Variants in SLC24A2 observed in about 807,000 individuals in gnomAD.
SLC24A2 encodes solute carrier family 24 member 2.
A neutral mutation model predicts 62.0 loss-of-function variants in SLC24A2; 36 were observed. The ratio of observed to expected loss-of-function variants is 0.58; its 90% CI spans 0.44 to 0.77. SLC24A2 has a LOEUF of 0.77. Ranked by LOEUF, SLC24A2 falls within the 30% of genes least tolerant of loss-of-function variation. The pLI is 0.00. For synonymous variants in SLC24A2, 358 were observed against 294.0 expected (o/e 1.22, Z -2.23); for missense variants, 846 against 817.9 (o/e 1.03, Z -0.42).
the SLC24A2 span, among the ~76,000 whole-genome samples, chr9:19,935,163 C>T: frequency 1.3e-5 from 2 of 151,056 alleles, no homozygotes; most frequent in Non-Finnish European, 2.9e-5. Context: ...ACTTGGGTTG[C>T]TTGTGAAAAA....
At chr9:19,779,140 C>T (rs985533425) in intron 2 of SLC24A2, among the ~76,000 whole-genome samples, 8 of 152,110 alleles carry the variant, frequency 5.3e-5, no homozygotes, top group African/African-American at 1.9e-4. Context: ...ACAGTGAAAA[C>T]ACGTGGAAGG....
the SLC24A2 span, among the ~76,000 whole-genome samples, chr9:20,196,645 C>T: frequency 2.8e-4 from 42 of 152,204 alleles, no homozygotes; most frequent in African/African-American, 1.0e-3. Context: ...AGCTAATACA[C>T]CACTTTAGTT....
rs1390433234 is a variant in SLC24A2, at chr9:19,573,529, C to CACAG, written c.1229-61_1229-60insCTGT. 6.2e-4 allele frequency: 268 copies of CACAG among 431,116 alleles called. 4 individuals are homozygous for CACAG. The East Asian group carries it at 0.011, about 18-fold the overall frequency. 26.7% of individuals were successfully genotyped at this position (431,116 alleles called of 1,614,324 possible). A position where few individuals can be genotyped will look rare whatever the true frequency, so the allele number is the denominator to read the frequency against. On this transcript the variant is annotated intron_variant, in intron 6 of 10. Transcript: ENST00000341998. ...ACACACACACACACACACACACACA[C>CACAG]AGAGAGAGAGAGAGAGAGAGAGAGA... is the stretch of plus-strand genomic sequence containing the variant.
chr9:19,778,936 G>A (rs189161555), intron 2 of SLC24A2, among the ~76,000 whole-genome samples: 16 of 152,094 alleles, frequency 1.1e-4, no homozygotes, highest in African/African-American at 3.1e-4. Context: ...GATGAAATTA[G>A]AAACAATGAA....
the SLC24A2 span, among the ~76,000 whole-genome samples, chr9:19,914,136 G>A: frequency 1.3e-5 from 2 of 152,062 alleles, no homozygotes; most frequent in East Asian, 1.9e-4. Context: ...CTCAAAATGC[G>A]CTTCCTTTCA....
chr9:19,614,725 A>G (rs1440550292), intron 4 of SLC24A2, among the ~76,000 whole-genome samples: 2 of 151,982 alleles, frequency 1.3e-5, no homozygotes, highest in Middle Eastern at 3.4e-3. Context: ...CTTAACTACC[A>G]TATAAAACAT....
the SLC24A2 span, among the ~76,000 whole-genome samples, chr9:19,808,277 C>G: frequency 6.6e-6 from 1 of 152,154 alleles, no homozygotes; most frequent in Non-Finnish European, 1.5e-5. The surrounding 1 kb of genome is among the most constrained non-coding windows in gnomAD (Gnocchi z 4.1). Context: ...TTTCTCATCT[C>G]TGATAAATTT....
chr9:19,866,625 CTTTTTTTTTT>C, the SLC24A2 span, among the ~76,000 whole-genome samples: 6 of 68,188 alleles, frequency 8.8e-5, no homozygotes, highest in East Asian at 5.5e-4. Flanking sequence ...CACGTTTTCA[CTTTTTTTTTT>C]TTTTTTTTTT....
At chr9:19,942,379 T>C in the SLC24A2 span, among the ~76,000 whole-genome samples, 13 of 152,144 alleles carry the variant, frequency 8.5e-5, no homozygotes, top group Non-Finnish European at 1.5e-4. Flanking sequence ...TTAGAGAGGG[T>C]GAATAACTTG....
chr9:19,648,954 T>C (rs961775205), intron 2 of SLC24A2, among the ~76,000 whole-genome samples: 4 of 134,710 alleles, frequency 3.0e-5, no homozygotes, highest in Non-Finnish European at 6.1e-5. Flanking sequence ...AGATATTTAT[T>C]CCAAAATGAG....
the SLC24A2 span, among the ~76,000 whole-genome samples, chr9:19,850,117 A>G: frequency 6.6e-6 from 1 of 151,826 alleles, no homozygotes; most frequent in African/African-American, 2.4e-5. Context: ...TCCTGAAATT[A>G]TATAAATGCC....
Position 19,508,825 on chromosome 9 carries a change from G to A in SLC24A2, c.*7328C>T. On this transcript the variant is annotated 3_prime_UTR_variant, in exon 11 of 11. Transcript: ENST00000341998. Reference sequence around the variant, plus strand: ...AAAAAATTATATAAAAATTTGTGATGAAGTTGAAACATTAAAGTTTTTAGT... The same window carrying A: ...AAAAAATTATATAAAAATTTGTGATAAAGTTGAAACATTAAAGTTTTTAGT... 6.6e-6 allele frequency: 1 copy of A among 152,052 alleles called. No individual in the cohort carries two copies. Among genetic ancestry groups the A allele is most frequent in the East Asian group, 1.9e-4 (1 of 5,184 alleles). 9.4% of individuals were successfully genotyped at this position (152,052 alleles called of 1,614,324 possible). A position where few individuals can be genotyped will look rare whatever the true frequency, so the allele number is the denominator to read the frequency against.
At chr9:19,794,816 G>T in the SLC24A2 span, among the ~76,000 whole-genome samples, 1 of 151,956 alleles carries the variant, frequency 6.6e-6, no homozygotes, top group African/African-American at 2.4e-5. Flanking sequence ...GGAGAAGAGG[G>T]TACAAAGGCA....
At chr9:20,108,283 A>T in the SLC24A2 span, among the ~76,000 whole-genome samples, 3 of 152,246 alleles carry the variant, frequency 2.0e-5, no homozygotes, top group Admixed American at 1.3e-4. Context: ...TGTGGAAGTC[A>T]GTGTGGCGAT....
chr9:19,984,852 C>G, the SLC24A2 span, among the ~76,000 whole-genome samples: 1 of 151,884 alleles, frequency 6.6e-6, no homozygotes, highest in Admixed American at 6.6e-5. Context: ...AAAGTTGGAC[C>G]CCTACCTCAC....
At chr9:19,546,526 C>T (rs762182138) in intron 8 of SLC24A2, among the ~76,000 whole-genome samples, 44 of 152,274 alleles carry the variant, frequency 2.9e-4, no homozygotes, top group Admixed American at 7.2e-4. Context: ...CACTGGTTGA[C>T]ACCCCTTCCC....
At chr9:20,263,735 G>C in the SLC24A2 span, among the ~76,000 whole-genome samples, 80 of 152,068 alleles carry the variant, frequency 5.3e-4, no homozygotes, top group African/African-American at 1.9e-3. Context: ...TATAGTATGT[G>C]TTCCTTTTGG....
At chr9:20,063,399 A>G in the SLC24A2 span, among the ~76,000 whole-genome samples, 1 of 149,488 alleles carries the variant, frequency 6.7e-6, no homozygotes, top group Non-Finnish European at 1.5e-5. Context: ...AGAACAAAAA[A>G]CCAAACACTG....
intron 2 of SLC24A2, among the ~76,000 whole-genome samples, chr9:19,730,065 G>T (rs1386370267): frequency 6.6e-6 from 1 of 152,048 alleles, no homozygotes; most frequent in Non-Finnish European, 1.5e-5. Flanking sequence ...ATGAATGAAT[G>T]CCAGGTCACT....
Sources: allele counts gnomAD v4.1 joint callset (sites outside exome capture counted in the v4.1 genomes callset), GRCh38; gene constraint gnomAD v4.1.1; non-coding constraint Gnocchi (gnomAD v3.1); transcripts MANE v1.5; gene names NCBI Gene and HGNC (gene_info 2026-07-23, HGNC 2026-07-21).